Variants in XRN2 observed in about 807,000 individuals in gnomAD.
XRN2 encodes the protein 5'-3' exoribonuclease 2, also known as DHM1-like protein.
XRN2 carries 44 observed loss-of-function variants against 138.5 expected under a neutral mutation model. That is an observed-to-expected ratio of 0.32 (90% CI 0.25 to 0.41). The LOEUF (loss-of-function observed/expected upper bound fraction) is 0.41. XRN2 is among the 10% of genes least tolerant of loss of function. The pLI is 1.00. For synonymous variants in XRN2, 354 were observed against 369.4 expected, an observed-to-expected ratio of 0.96 and a Z score of 0.48; for missense variants, 937 against 1,169.3, an observed-to-expected ratio of 0.80 and a Z score of 2.90.
intron 6 of XRN2, 123 bp from the exon 7 acceptor site, chr20:21,331,438 C>CA: frequency 1.7e-5 from 12 of 686,744 alleles, no homozygotes; most frequent in Admixed American, 2.4e-5. Context: ...CACACACACA[C>CA]CCTTATTCAG....
intron 1 of XRN2, among the ~76,000 whole-genome samples, chr20:21,308,427 G>T (rs981977026): frequency 6.6e-6 from 1 of 152,152 alleles, no homozygotes; most frequent in African/African-American, 2.4e-5. Context: ...AGAAAAACCT[G>T]CCAGACTTTT....
Position 21,303,421 on chromosome 20 carries a change from G to C in XRN2, c.23G>C (p.Arg8Pro). Reference sequence around the variant, plus strand: ...GCTATGGGAGTCCCGGCGTTCTTCCGCTGGCTCAGCCGCAAGTACCCGTCC... The same window carrying C: ...GCTATGGGAGTCCCGGCGTTCTTCCCCTGGCTCAGCCGCAAGTACCCGTCC... Reference protein sequence around the residue: MGVPAFFRWLSRKYPSII... With the variant: MGVPAFFPWLSRKYPSII... Residue 8 changes from arginine (R) to proline (P), a missense_variant, in exon 1 of 30, where the codon CGC becomes CCC. Physicochemically the swap from Arg to Pro is moderately radical, Grantham distance 103. This residue lies in a region of XRN2 where 32 missense variants were observed against 32.9 expected (regional missense o/e 0.97). Coordinates refer to ENST00000377191, the MANE Select transcript of XRN2 (RefSeq NM_012255.5). The C allele has an allele frequency of 7.1e-6, 11 of 1,548,582 alleles. No homozygotes were observed. Among genetic ancestry groups the C allele is most frequent in the Non-Finnish European group, 9.6e-6 (11 of 1,146,064 alleles).
intron 17 of XRN2, among the ~76,000 whole-genome samples, chr20:21,347,198 A>AATG (rs2038447143): frequency 6.6e-6 from 1 of 152,230 alleles, no homozygotes; most frequent in Non-Finnish European, 1.5e-5. Context: ...ACAGTCACTG[A>AATG]ATGACTGAAC....
rs2038505006 is a variant in XRN2, at chr20:21,351,091, GT to G, written c.1936+1633del. Among the ~76,000 whole-genome samples, 5 of 152,222 alleles carry G rather than the reference GT, an allele frequency of 3.3e-5. 1 individual carries two copies. In the South Asian group the frequency reaches 1.0e-3, roughly 32 times the overall value. ...AGTAAATTATTAAATCGTTGTCTGGGTTTATTAAGTAGATAATTAAATATAT... is the reference window on the plus strand; with the variant it reads ...AGTAAATTATTAAATCGTTGTCTGGGTTATTAAGTAGATAATTAAATATAT... On this transcript the variant is annotated intron_variant, in intron 20 of 29. Coordinates refer to ENST00000377191, the MANE Select transcript of XRN2 (RefSeq NM_012255.5).
chr20:21,387,113 T>G (rs1442330096), intron 29 of XRN2, 107 bp downstream of exon 29: 2 of 1,409,362 alleles, frequency 1.4e-6, no homozygotes, highest in Non-Finnish European at 9.5e-7. Context: ...ACTGATAGAG[T>G]AGCTTAGAGT....
At chr20:21,308,961 GTCA>G (rs1600667160) in intron 1 of XRN2, among the ~76,000 whole-genome samples, 1 of 152,078 alleles carries the variant, frequency 6.6e-6, no homozygotes, top group South Asian at 2.1e-4. Flanking sequence ...TTTTGGTCTA[GTCA>G]TATGGTGAAT....
At chr20:21,348,474 C>CA (rs1371377552) in intron 19 of XRN2, 44 bp downstream of exon 19, 3 of 1,553,294 alleles carry the variant, frequency 1.9e-6, no homozygotes, top group Non-Finnish European at 2.7e-6. Flanking sequence ...GGATTTTTGT[C>CA]ACATTTTATT....
chr20:21,384,542 G>A (rs2038917760), intron 28 of XRN2, among the ~76,000 whole-genome samples: 1 of 152,186 alleles, frequency 6.6e-6, no homozygotes, highest in African/African-American at 2.4e-5. Context: ...CCAGGCTGGA[G>A]TGTAATGTCA....
intron 29 of XRN2, among the ~76,000 whole-genome samples, 171 bp downstream of exon 29, chr20:21,387,177 C>CATA (rs1331996668): frequency 6.6e-6 from 1 of 152,182 alleles, no homozygotes; most frequent in African/African-American, 2.4e-5. Context: ...TGAGTACCTG[C>CATA]TTCACTAAAT....
intron 4 of XRN2, 151 bp from the exon 5 acceptor site, chr20:21,330,330 T>G: frequency 1.6e-6 from 1 of 612,748 alleles, no homozygotes; most frequent in East Asian, 2.9e-5. Flanking sequence ...TGGAATCTTA[T>G]TTTCTTCCCA....
intron 1 of XRN2, among the ~76,000 whole-genome samples, chr20:21,325,326 A>G (rs1417458904): frequency 6.6e-6 from 1 of 152,254 alleles, no homozygotes; most frequent in East Asian, 1.9e-4. Context: ...TAACATTTAC[A>G]AAAACATAAT....
chr20:21,346,600 A>C lies in XRN2; in HGVS notation c.1665+50A>C, dbSNP rs776206781. Reference sequence around the variant, plus strand: ...AATTTGTAGTTAATCATTTAAGAAAAATAGTAATTTCTTTTTTTTTGTTTG... The same window carrying C: ...AATTTGTAGTTAATCATTTAAGAAACATAGTAATTTCTTTTTTTTTGTTTG... On this transcript the variant is annotated intron_variant, in intron 17 of 29. Transcript: ENST00000377191. The C allele has an allele frequency of 9.5e-6, 15 of 1,578,574 alleles. No homozygotes were observed. In the African/African-American group the frequency reaches 1.8e-4, roughly 19 times the overall value.
chr20:21,357,579 CTTTTT>C lies in XRN2; in HGVS notation c.2199-152_2199-148del, dbSNP rs1049552028. Among the ~76,000 whole-genome samples the C allele has an allele frequency of 6.0e-5, 9 of 151,136 alleles. No homozygotes were observed. The East Asian group carries it at 1.7e-3, about 29-fold the overall frequency. ...CCATTTCATGTATGTGGTACTTACTCTTTTTTTTTAAGATATAAATGGTTTTTATT... is the reference window on the plus strand; with the variant it reads ...CCATTTCATGTATGTGGTACTTACTCTTTTAAGATATAAATGGTTTTTATT... On this transcript the variant is annotated intron_variant, in intron 23 of 29. Coordinates refer to ENST00000377191, the MANE Select transcript of XRN2 (RefSeq NM_012255.5).
chr20:21,339,232 A>G (rs1269119869), intron 14 of XRN2, 144 bp downstream of exon 14: 3 of 755,824 alleles, frequency 4.0e-6, no homozygotes, highest in Non-Finnish European at 4.2e-6. Flanking sequence ...TTTTACCTGT[A>G]GAAAGAACAC....
chr20:21,376,446 A>T (rs2038823827), intron 27 of XRN2, among the ~76,000 whole-genome samples: 1 of 152,096 alleles, frequency 6.6e-6, no homozygotes, highest in African/African-American at 2.4e-5. Flanking sequence ...CTTTGGTCAT[A>T]TTTTTACTGA....
At chr20:21,330,594 T>G in intron 5 of XRN2, 22 bp from the exon 6 acceptor site, 3 of 1,613,618 alleles carry the variant, frequency 1.9e-6, no homozygotes, top group Non-Finnish European at 2.5e-6. Context: ...ATAGGTTAAT[T>G]TATTTCTTTC....
rs745992440 is a variant in XRN2 at position 21,307,863 on chromosome 20, C to T, written c.75+4390C>T. 1.6e-4 allele frequency among the ~76,000 whole-genome samples: 12 copies of T among 77,350 alleles called. 4 individuals carry two copies. The highest frequency in any genetic ancestry group is 2.1e-4 in the Non-Finnish European group (7 of 32,752). 50.7% of individuals were successfully genotyped at this position (77,350 alleles called of 152,430 possible). A position where few individuals can be genotyped will look rare whatever the true frequency, so the allele number is the denominator to read the frequency against. Reference sequence around the variant, plus strand: ...TATATAGTATATACTCATTTTTTGCCTCAGTTACTTTCATTCAGTATACTT... The same window carrying T: ...TATATAGTATATACTCATTTTTTGCTTCAGTTACTTTCATTCAGTATACTT... On this transcript the variant is annotated intron_variant, in intron 1 of 29. Transcript: ENST00000377191.
chr20:21,332,719 TTAAAA>T (rs1204506737), intron 9 of XRN2, among the ~76,000 whole-genome samples: 3 of 152,282 alleles, frequency 2.0e-5, no homozygotes, highest in Non-Finnish European at 2.9e-5. Flanking sequence ...TTAAAGTACT[TTAAAA>T]TAAACCTGCA....
At chr20:21,347,131 T>C (rs1204437232) in intron 17 of XRN2, among the ~76,000 whole-genome samples, 1 of 152,210 alleles carries the variant, frequency 6.6e-6, no homozygotes, top group Non-Finnish European at 1.5e-5. Context: ...GTCTTTAAGA[T>C]GACGAAAGGT....
Sources: gnomAD v4.1 joint callset for allele counts (sites outside exome capture counted in the v4.1 genomes callset) on GRCh38, gnomAD v4.1.1 for gene constraint, gnomAD v4.1.1 regional missense constraint, MANE v1.5 for transcripts, NCBI Gene and HGNC (gene_info 2026-07-23, HGNC 2026-07-21) for gene names.